CLASP1: variants seen among roughly 807,000 people sequenced by gnomAD.
The protein encoded by CLASP1 is CLIP-associating protein 1.
In CLASP1, 38 loss-of-function variants were observed where a neutral mutation model predicts 192.3. That is an observed-to-expected ratio of 0.20 (90% CI 0.15 to 0.26). CLASP1 has a LOEUF of 0.26. CLASP1 is among the 10% of genes least tolerant of loss of function. CLASP1 has a pLI of 1.00. For missense variants in CLASP1, 1,433 were observed against 1,932.5 expected (o/e 0.74, Z 4.85); for synonymous variants, 691 against 712.8 (o/e 0.97, Z 0.49).
At chr2:121,566,476 A>C (rs1323003980) in intron 2 of CLASP1, among the ~76,000 whole-genome samples, 3 of 152,230 alleles carry the variant, frequency 2.0e-5, no homozygotes, top group African/African-American at 7.2e-5. Context: ...GTTTTCAAGT[A>C]GAACTATAGC....
At chr2:121,429,349 A>T (rs976726199) in intron 20 of CLASP1, among the ~76,000 whole-genome samples, 5 of 152,028 alleles carry the variant, frequency 3.3e-5, no homozygotes, top group African/African-American at 1.2e-4. Flanking sequence ...TCCCACGCTC[A>T]CCTTGCCCAG....
chr2:121,391,812 G>A (rs2074403920), intron 30 of CLASP1, among the ~76,000 whole-genome samples: 1 of 152,150 alleles, frequency 6.6e-6, no homozygotes, highest in Non-Finnish European at 1.5e-5. Context: ...GCTGAGGCAG[G>A]AGAATCGCTG....
At chr2:121,380,234 C>A (rs1399540559) in intron 33 of CLASP1, among the ~76,000 whole-genome samples, 2 of 152,118 alleles carry the variant, frequency 1.3e-5, no homozygotes, top group African/African-American at 4.8e-5. Flanking sequence ...TCCTCACAAG[C>A]AGTATATGAG....
At chr2:121,517,617 G>A (rs1461322406) in intron 6 of CLASP1, among the ~76,000 whole-genome samples, 1 of 152,100 alleles carries the variant, frequency 6.6e-6, no homozygotes, top group Non-Finnish European at 1.5e-5. Flanking sequence ...CACTTTGGGA[G>A]GCCAAGGTAG....
chr2:121,428,270 C>T (rs2080789405), intron 20 of CLASP1, among the ~76,000 whole-genome samples: 1 of 152,186 alleles, frequency 6.6e-6, no homozygotes, highest in Admixed American at 6.5e-5. Flanking sequence ...CAGCATTGAC[C>T]TAGCTGGGGC....
chr2:121,564,639 C>A (rs571340788), intron 2 of CLASP1, among the ~76,000 whole-genome samples: 1 of 152,116 alleles, frequency 6.6e-6, no homozygotes, highest in South Asian at 2.1e-4. Context: ...ACACGGGAAA[C>A]CAAGCACACA....
At chr2:121,490,822 T>C (rs2093263551) in intron 8 of CLASP1, among the ~76,000 whole-genome samples, 1 of 152,210 alleles carries the variant, frequency 6.6e-6, no homozygotes, top group Non-Finnish European at 1.5e-5. Context: ...TTTCCTAAGA[T>C]ACTGAACCAC....
intron 34 of CLASP1, among the ~76,000 whole-genome samples, chr2:121,376,755 G>C (rs2070327347): frequency 6.6e-6 from 1 of 152,150 alleles, no homozygotes; most frequent in Admixed American, 6.5e-5. Flanking sequence ...ATTACTGCCT[G>C]AGCTGTGCCT....
chr2:121,418,490 G>T, intron 23 of CLASP1, 132 bp downstream of exon 23: 1 of 673,048 alleles, frequency 1.5e-6, no homozygotes, highest in South Asian at 1.8e-5. Flanking sequence ...GGGTAACTAA[G>T]GAAGAGGAAA....
chr2:121,360,696 C>T (rs2066227304), intron 37 of CLASP1, among the ~76,000 whole-genome samples: 1 of 151,392 alleles, frequency 6.6e-6, no homozygotes, highest in Admixed American at 6.6e-5. Flanking sequence ...GGCAAAGTGA[C>T]AGAGTAAAGT....
At chr2:121,616,007 G>C (rs1350175391) in intron 1 of CLASP1, among the ~76,000 whole-genome samples, 1 of 152,174 alleles carries the variant, frequency 6.6e-6, no homozygotes, top group Non-Finnish European at 1.5e-5. Context: ...GCTACAGCAT[G>C]TGGGGCGTAA....
intron 39 of CLASP1, among the ~76,000 whole-genome samples, chr2:121,345,834 G>C (rs2063383083): frequency 6.6e-6 from 1 of 152,220 alleles, no homozygotes; most frequent in Non-Finnish European, 1.5e-5. Flanking sequence ...ATCTGGCCAG[G>C]TGTGAGACAG....
intron 1 of CLASP1, among the ~76,000 whole-genome samples, chr2:121,612,532 A>C (rs1309148712): frequency 2.0e-5 from 3 of 151,822 alleles, no homozygotes; most frequent in Non-Finnish European, 4.4e-5. Context: ...TTGGAAGAGA[A>C]GGAGAAAAAG....
At chr2:121,622,709 A>G (rs1052363320) in intron 1 of CLASP1, among the ~76,000 whole-genome samples, 1 of 152,218 alleles carries the variant, frequency 6.6e-6, no homozygotes. Context: ...TGTAACAATA[A>G]AATTAATTTC....
chr2:121,638,359 T>C (rs1052023631), intron 1 of CLASP1, among the ~76,000 whole-genome samples: 31 of 152,180 alleles, frequency 2.0e-4, no homozygotes, highest in African/African-American at 7.5e-4. Context: ...ACTGGAACCC[T>C]TGTACATTGC....
At chr2:121,510,420 T>G (rs1335770479) in intron 7 of CLASP1, among the ~76,000 whole-genome samples, 1 of 152,166 alleles carries the variant, frequency 6.6e-6, no homozygotes, top group Non-Finnish European at 1.5e-5. Context: ...AACAATTATA[T>G]GCCAACAATT....
chr2:121,570,722 T>C (rs2059908051), intron 2 of CLASP1, among the ~76,000 whole-genome samples: 1 of 152,222 alleles, frequency 6.6e-6, no homozygotes, highest in South Asian at 2.1e-4. Flanking sequence ...AGTTTTCTAT[T>C]TGGAATTTTC....
intron 2 of CLASP1, among the ~76,000 whole-genome samples, chr2:121,561,461 T>C (rs1478739234): frequency 1.3e-5 from 2 of 152,136 alleles, no homozygotes; most frequent in Admixed American, 1.3e-4. Context: ...TTAGAAAAAC[T>C]AGAGACAAAA....
At chr2:121,526,770 AT>A (rs1409657257) in intron 5 of CLASP1, among the ~76,000 whole-genome samples, 1 of 152,032 alleles carries the variant, frequency 6.6e-6, no homozygotes, top group African/African-American at 2.4e-5. Flanking sequence ...AGCAATCTTT[AT>A]TTTTTCCTTG....
Sources: allele counts gnomAD v4.1 joint callset (sites outside exome capture counted in the v4.1 genomes callset), GRCh38; gene constraint gnomAD v4.1.1; transcripts MANE v1.5; gene names NCBI Gene and HGNC (gene_info 2026-07-23, HGNC 2026-07-21).